The following PTPRD variants were observed in gnomAD, a reference collection of about 807,000 sequenced individuals.
PTPRD encodes the protein receptor-type tyrosine-protein phosphatase delta.
Under a neutral mutation model 214.5 loss-of-function variants are expected in PTPRD, and 34 were observed. The ratio of observed to expected loss-of-function variants is 0.16; its 90% confidence interval spans 0.12 to 0.21. PTPRD has a LOEUF of 0.21. Ranked by LOEUF, PTPRD falls within the 10% of genes least tolerant of loss-of-function variation. The pLI is 1.00. For synonymous variants in PTPRD, 1,128 were observed against 845.7 expected (o/e 1.33, Z -5.79); for missense variants, 2,545 against 2,398.7 (o/e 1.06, Z -1.27).
At chr9:9,504,874 A>G (rs1304442214) in intron 8 of PTPRD, among the ~76,000 whole-genome samples, 1 of 151,720 alleles carries the variant, frequency 6.6e-6, no homozygotes, top group Non-Finnish European at 1.5e-5. Context: ...AGTAAATTAA[A>G]AAACAATTCT....
intron 7 of PTPRD, among the ~76,000 whole-genome samples, chr9:9,661,870 T>C (rs1410430114): frequency 6.6e-6 from 1 of 151,714 alleles, no homozygotes; most frequent in African/African-American, 2.4e-5. Context: ...TCAGCCCAGA[T>C]ATTAAACAGT....
intron 7 of PTPRD, among the ~76,000 whole-genome samples, chr9:9,694,544 T>C (rs1025300009): frequency 2.0e-5 from 3 of 152,074 alleles, no homozygotes; most frequent in East Asian, 1.9e-4. Context: ...TCAAAGGCTC[T>C]ACCCTTCAGG....
At chr9:10,173,195 G>T (rs2099222063) in intron 3 of PTPRD, among the ~76,000 whole-genome samples, 1 of 152,146 alleles carries the variant, frequency 6.6e-6, no homozygotes, top group African/African-American at 2.4e-5. Context: ...TTATTTTGAA[G>T]TGTTGGAGAA....
At chr9:10,564,338 C>G (rs979435433) in intron 2 of PTPRD, among the ~76,000 whole-genome samples, 5 of 150,742 alleles carry the variant, frequency 3.3e-5, no homozygotes, top group South Asian at 2.1e-4. Context: ...TTAAAATAGA[C>G]GAAACCGTTT....
rs1243278496 is a variant in PTPRD at position 9,545,876 on chromosome 9, C to T, written c.-237+28856G>A. Among the ~76,000 whole-genome samples, 8 of 151,664 alleles carry T rather than the reference C, an allele frequency of 5.3e-5. No homozygotes were observed. The East Asian group carries it at 5.8e-4, about 11-fold the overall frequency. ...ACTGAGATTGCATTGAGTCTATAGA[C>T]GAATTTTAGAAAAAACAACTTGAAT... On this transcript the variant is annotated intron_variant, in intron 8 of 45. Transcript: ENST00000381196.
At chr9:9,817,430 A>C (rs891022613) in intron 5 of PTPRD, among the ~76,000 whole-genome samples, 5 of 152,182 alleles carry the variant, frequency 3.3e-5, no homozygotes, top group Admixed American at 6.5e-5. Context: ...ATAGATATTT[A>C]ATAAACTACA....
intron 4 of PTPRD, among the ~76,000 whole-genome samples, 184 bp from the exon 5 acceptor site, chr9:9,938,794 A>T (rs919687506): frequency 1.3e-5 from 2 of 152,154 alleles, no homozygotes; most frequent in African/African-American, 4.8e-5. Context: ...CACCTGTATA[A>T]GTCAAAGGGA....
At position 9,268,994 on chromosome 9, in the gene PTPRD, C is replaced by A. The variant is rs551185785; in HGVS notation, c.-202-85631G>T. On this transcript the variant is annotated intron_variant, in intron 9 of 45. Transcript: ENST00000381196. ...CCGAAAAGCACAGGCAAAAAAAAAA[C>A]CAAAAATAAACAACTGGAAACACAT... Among the ~76,000 whole-genome samples, 141 of 147,618 alleles carry A rather than the reference C, an allele frequency of 9.6e-4. 2 individuals are homozygous for A. The highest frequency in any genetic ancestry group is 4.0e-3 in the Admixed American group (60 of 14,848).
intron 11 of PTPRD, among the ~76,000 whole-genome samples, chr9:8,965,312 G>C (rs750257375): frequency 1.3e-5 from 2 of 151,766 alleles, no homozygotes; most frequent in African/African-American, 4.8e-5. Flanking sequence ...CCCGGGAGGC[G>C]GAGGTTGCAG....
At chr9:9,696,228 C>T (rs956282381) in intron 7 of PTPRD, among the ~76,000 whole-genome samples, 7 of 152,214 alleles carry the variant, frequency 4.6e-5, no homozygotes, top group African/African-American at 1.7e-4. Flanking sequence ...TAACTATAGT[C>T]TATTCTTGAG....
At chr9:9,916,386 G>C (rs113067367) in intron 5 of PTPRD, among the ~76,000 whole-genome samples, 48 of 151,934 alleles carry the variant, frequency 3.2e-4, no homozygotes, top group African/African-American at 1.1e-3. Context: ...AAGGAACAAA[G>C]GGTATATAAA....
chr9:9,730,451 T>C (rs1418649304), intron 7 of PTPRD, among the ~76,000 whole-genome samples: 3 of 152,116 alleles, frequency 2.0e-5, no homozygotes, highest in African/African-American at 7.2e-5. Flanking sequence ...AAGATATGTA[T>C]ACACAGATCC....
chr9:9,753,738 G>T (rs758710021), intron 6 of PTPRD, among the ~76,000 whole-genome samples: 4 of 151,898 alleles, frequency 2.6e-5, no homozygotes, highest in Non-Finnish European at 2.9e-5. Context: ...AAAATTACAG[G>T]TGTAATTATT....
intron 14 of PTPRD, among the ~76,000 whole-genome samples, chr9:8,617,737 T>C (rs1250312333): frequency 6.6e-6 from 1 of 152,100 alleles, no homozygotes; most frequent in East Asian, 1.9e-4. Context: ...AGATAAACTT[T>C]CTTAAAAATA....
At chr9:9,687,235 T>G (rs921583818) in intron 7 of PTPRD, among the ~76,000 whole-genome samples, 4 of 151,866 alleles carry the variant, frequency 2.6e-5, no homozygotes, top group African/African-American at 9.7e-5. Context: ...CCTTGAGACA[T>G]TTGTCTACCC....
chr9:8,381,350 T>C (rs890257597), intron 37 of PTPRD, among the ~76,000 whole-genome samples: 2 of 152,210 alleles, frequency 1.3e-5, no homozygotes, highest in Non-Finnish European at 2.9e-5. Flanking sequence ...CTGAACTATT[T>C]ATTTCTACAG....
At chr9:10,450,111 C>T (rs1045839786) in intron 2 of PTPRD, among the ~76,000 whole-genome samples, 7 of 151,676 alleles carry the variant, frequency 4.6e-5, no homozygotes, top group South Asian at 2.1e-4. Flanking sequence ...TGCGGAAGGC[C>T]GCAGGGTCCT....
intron 5 of PTPRD, among the ~76,000 whole-genome samples, chr9:9,802,078 T>A (rs903495726): frequency 6.6e-6 from 1 of 152,068 alleles, no homozygotes; most frequent in Non-Finnish European, 1.5e-5. Flanking sequence ...AATTGCTTAA[T>A]TGCGACTCAA....
intron 7 of PTPRD, among the ~76,000 whole-genome samples, chr9:9,614,869 C>T (rs1259913997): frequency 1.3e-5 from 2 of 152,152 alleles, no homozygotes; most frequent in South Asian, 4.1e-4. Context: ...TCTGCTGTGT[C>T]ACTTACCAAT....
Sources: gnomAD v4.1 joint callset for allele counts (sites outside exome capture counted in the v4.1 genomes callset) on GRCh38, gnomAD v4.1.1 for gene constraint, MANE v1.5 for transcripts, NCBI Gene and HGNC (gene_info 2026-07-23, HGNC 2026-07-21) for gene names.